The following USH2A variants were observed in gnomAD, a reference collection of about 807,000 sequenced individuals.
The protein encoded by USH2A is usherin.
Under a neutral mutation model 538.9 loss-of-function variants are expected in USH2A, and 443 were observed. The ratio of observed to expected loss-of-function variants is 0.82; its 90% CI spans 0.76 to 0.89. The LOEUF is 0.89. Ranked by LOEUF, USH2A falls within the 40% of genes least tolerant of loss-of-function variation. The pLI is 0.00. For missense variants in USH2A, 6,633 were observed against 6,324.8 expected, an observed-to-expected ratio of 1.05 and a Z score of -1.65; for synonymous variants, 2,413 against 2,273.5, an observed-to-expected ratio of 1.06 and a Z score of -1.75.
intron 44 of USH2A, 105 bp downstream of exon 44, chr1:215,866,902 C>T (rs1386104073): frequency 2.0e-6 from 3 of 1,509,410 alleles, no homozygotes; most frequent in Non-Finnish European, 2.7e-6. Context: ...ACCAGTAACA[C>T]TTCACTATCA....
chr1:216,247,208 C>T lies in USH2A; in HGVS notation c.2186G>A (p.Cys729Tyr), dbSNP rs780709977. ...ANVIGLRCDH[C>Y]NFGFKFLRSF... ...TCGGAGAAATTTAAATCCAAAATTG[C>T]AATGATCACACCTAAGCCCTAAAGA... is the stretch of plus-strand genomic sequence containing the variant. The change falls in exon 13 of 72, where the codon TGC becomes TAC. Residue 729 changes from cysteine to tyrosine, a missense_variant. Cys to Tyr is a radical substitution (Grantham distance 194). Coordinates refer to ENST00000307340, the MANE Select transcript of USH2A (RefSeq NM_206933.4). 2.5e-6 allele frequency: 4 copies of T among 1,613,764 alleles called. No homozygotes were observed. The Admixed American group carries it at 5.0e-5, about 20-fold the overall frequency.
At chr1:216,353,130 G>T (rs888816617) in intron 4 of USH2A, among the ~76,000 whole-genome samples, 19 of 152,114 alleles carry the variant, frequency 1.2e-4, no homozygotes, top group African/African-American at 4.6e-4. Context: ...ATAATAACTG[G>T]CCATGAAACT....
chr1:215,706,850 A>C (rs958643206), intron 61 of USH2A, among the ~76,000 whole-genome samples: 1 of 152,206 alleles, frequency 6.6e-6, no homozygotes, highest in African/African-American at 2.4e-5. Context: ...TAAATCCTCT[A>C]GTTTTAGATT....
At chr1:215,900,310 G>T in intron 39 of USH2A, 93 bp from the exon 40 acceptor site, 2 of 1,310,088 alleles carry the variant, frequency 1.5e-6, no homozygotes, top group Non-Finnish European at 2.2e-6. Context: ...TTTAGAGGAT[G>T]TCAACATACA....
intron 49 of USH2A, among the ~76,000 whole-genome samples, chr1:215,806,614 A>G (rs1384043124): frequency 1.3e-5 from 2 of 152,128 alleles, no homozygotes; most frequent in Non-Finnish European, 2.9e-5. Context: ...GGTCCATTGT[A>G]TCTACATACC....
At chr1:215,771,567 G>C (rs546393254) in intron 55 of USH2A, among the ~76,000 whole-genome samples, 2 of 85,680 alleles carry the variant, frequency 2.3e-5, no homozygotes, top group Non-Finnish European at 4.2e-5. Flanking sequence ...GCGACAGAGC[G>C]AGACTCCGTC....
At chr1:215,634,213 A>G (rs890984486) in intron 70 of USH2A, among the ~76,000 whole-genome samples, 5 of 152,140 alleles carry the variant, frequency 3.3e-5, no homozygotes, top group African/African-American at 1.2e-4. Flanking sequence ...CTCAAGACCA[A>G]GGATATGAGA....
At chr1:215,771,686 A>C (rs907249380) in intron 55 of USH2A, among the ~76,000 whole-genome samples, 2 of 145,590 alleles carry the variant, frequency 1.4e-5, no homozygotes, top group Non-Finnish European at 3.0e-5. Flanking sequence ...TCATGTAGTG[A>C]GATACTGAGT....
intron 14 of USH2A, among the ~76,000 whole-genome samples, chr1:216,220,497 G>A (rs761574206): frequency 2.0e-5 from 3 of 150,868 alleles, no homozygotes; most frequent in African/African-American, 2.4e-5. Flanking sequence ...AAGAAGGGAT[G>A]GGAAGGGTAA....
At chr1:215,726,824 C>G (rs1433793399) in intron 61 of USH2A, among the ~76,000 whole-genome samples, 2 of 152,178 alleles carry the variant, frequency 1.3e-5, no homozygotes, top group Non-Finnish European at 2.9e-5. Context: ...TGATGTTACT[C>G]TCTCTTGTAC....
chr1:215,697,615 G>A (rs999177196), intron 61 of USH2A, among the ~76,000 whole-genome samples: 1 of 151,954 alleles, frequency 6.6e-6, no homozygotes, highest in South Asian at 2.1e-4. Context: ...TCCGCCTCCC[G>A]GGTTCAAGCA....
intron 14 of USH2A, among the ~76,000 whole-genome samples, chr1:216,222,249 G>T (rs751952257): frequency 2.0e-5 from 3 of 152,146 alleles, no homozygotes; most frequent in Non-Finnish European, 2.9e-5. Flanking sequence ...TTTAGGCTTT[G>T]CAGGCCATAT....
chr1:216,198,370 C>A lies in USH2A; in HGVS notation c.4026G>T (p.Val1342=). ...CAGAAGACACACTTCCAGCCATATTCACAGCTAAGACTCTGAACTCATACT... is the reference window on the plus strand; with the variant it reads ...CAGAAGACACACTTCCAGCCATATTAACAGCTAAGACTCTGAACTCATACT... ...YTKYEFRVLA[V]NMAGSVSSAW... Residue 1342 remains valine, a synonymous_variant, in exon 18 of 72, where the codon GTG becomes GTT. Coordinates refer to ENST00000307340, the MANE Select transcript of USH2A (RefSeq NM_206933.4). 3 of 1,614,052 alleles carry A rather than the reference C, an allele frequency of 1.9e-6. No homozygotes were observed. Among genetic ancestry groups the A allele is most frequent in the Non-Finnish European group, 2.5e-6 (3 of 1,179,956 alleles).
rs1663830503 is a variant in USH2A, at chr1:215,845,924, G to A, written c.8955C>T (p.Gly2985=). The A allele has an allele frequency of 1.2e-6, 2 of 1,613,748 alleles. No individual in the cohort carries two copies. The highest frequency in any genetic ancestry group is 1.7e-5 in the Admixed American group (1 of 59,888). Residue 2985 remains glycine (G), a synonymous_variant, in exon 45 of 72, where the codon GGC becomes GGT. Transcript: ENST00000307340. ...ILPDVNSHVI[G]HLKPNTEYWI... is the part of the protein sequence containing the mutation. ...AATACTCTGTGTTTGGCTTTAGGTGGCCAATGACATGAGAGTTTACATCTG... is the reference window on the plus strand; with the variant it reads ...AATACTCTGTGTTTGGCTTTAGGTGACCAATGACATGAGAGTTTACATCTG...
At chr1:215,851,996 T>A (rs1342399189) in intron 44 of USH2A, among the ~76,000 whole-genome samples, 3 of 152,158 alleles carry the variant, frequency 2.0e-5, no homozygotes, top group Non-Finnish European at 1.5e-5. Flanking sequence ...CATCCCTTTA[T>A]AATTAAAACC....
intron 11 of USH2A, among the ~76,000 whole-genome samples, chr1:216,254,872 T>A (rs1199270121): frequency 6.6e-6 from 1 of 152,180 alleles, no homozygotes; most frequent in African/African-American, 2.4e-5. Context: ...ATTTTTATTG[T>A]TTTTAGCCAC....
intron 11 of USH2A, among the ~76,000 whole-genome samples, chr1:216,287,933 C>A (rs2036918212): frequency 2.0e-5 from 3 of 152,072 alleles, no homozygotes. Flanking sequence ...ATTTATGTGA[C>A]AAATACTTAT....
At chr1:216,184,131 T>C (rs2034546880) in intron 20 of USH2A, among the ~76,000 whole-genome samples, 3 of 152,036 alleles carry the variant, frequency 2.0e-5, no homozygotes, top group Admixed American at 2.0e-4. Flanking sequence ...TCATCTGTCA[T>C]TACCAAATTT....
intron 16 of USH2A, among the ~76,000 whole-genome samples, chr1:216,203,555 G>C (rs1477630552): frequency 6.6e-6 from 1 of 152,044 alleles, no homozygotes; most frequent in Non-Finnish European, 1.5e-5. Flanking sequence ...AGAATATTAA[G>C]AGCCTTATAA....
Sources: gnomAD v4.1 joint callset for allele counts (sites outside exome capture counted in the v4.1 genomes callset) on GRCh38, gnomAD v4.1.1 for gene constraint, MANE v1.5 for transcripts, NCBI Gene and HGNC (gene_info 2026-07-23, HGNC 2026-07-21) for gene names.